CREB5: variants seen among roughly 807,000 people sequenced by gnomAD.
The protein encoded by CREB5 is cyclic AMP-responsive element-binding protein 5.
Under a neutral mutation model 57.1 loss-of-function variants are expected in CREB5, and 19 were observed. The ratio of observed to expected loss-of-function variants is 0.33; its 90% confidence interval spans 0.23 to 0.49. The LOEUF is 0.49. CREB5 is among the 20% of genes least tolerant of loss of function. CREB5 has a pLI of 0.99. For missense variants in CREB5, 579 were observed against 671.6 expected, an observed-to-expected ratio of 0.86 and a Z score of 1.52; for synonymous variants, 238 against 238.3, an observed-to-expected ratio of 1.00 and a Z score of 0.01.
intron 1 of CREB5, among the ~76,000 whole-genome samples, chr7:28,306,542 TTTTG>T (rs1308954795): frequency 0.01 from 524 of 51,682 alleles, 12 homozygotes; most frequent in African/African-American, 0.028. Context: ...ACAGATACAG[TTTTG>T]TTTTTTTTGT....
At chr7:28,667,591 A>T (rs891454049) in intron 5 of CREB5, among the ~76,000 whole-genome samples, 1 of 140,344 alleles carries the variant, frequency 7.1e-6, no homozygotes, top group Non-Finnish European at 1.6e-5. Flanking sequence ...TAAAAAAATA[A>T]AAGAGAGAAA....
chr7:28,541,923 C>T (rs1341389065), intron 4 of CREB5, among the ~76,000 whole-genome samples: 1 of 152,176 alleles, frequency 6.6e-6, no homozygotes, highest in Admixed American at 6.5e-5. Flanking sequence ...TGACCATTCT[C>T]TCTTGTTTCT....
At chr7:28,726,453 C>T (rs1803342800) in intron 7 of CREB5, among the ~76,000 whole-genome samples, 1 of 152,082 alleles carries the variant, frequency 6.6e-6, no homozygotes, top group Non-Finnish European at 1.5e-5. Flanking sequence ...TTGCCATATA[C>T]TAACCATATA....
chr7:28,419,483 AT>A (rs757093063), intron 1 of CREB5, among the ~76,000 whole-genome samples: 47 of 152,148 alleles, frequency 3.1e-4, no homozygotes, highest in Non-Finnish European at 6.2e-4. Context: ...TAATAGTGCA[AT>A]TTTCGACCAG....
At chr7:28,320,837 T>C (rs1455636242) in intron 1 of CREB5, among the ~76,000 whole-genome samples, 1 of 152,174 alleles carries the variant, frequency 6.6e-6, no homozygotes, top group East Asian at 1.9e-4. Context: ...AAAAGACAAA[T>C]GTAAGCAAAG....
intron 1 of CREB5, among the ~76,000 whole-genome samples, chr7:28,400,620 T>G (rs1787441455): frequency 6.6e-6 from 1 of 152,208 alleles, no homozygotes; most frequent in Non-Finnish European, 1.5e-5. Context: ...TTTTCTGATA[T>G]CCACAGTGGG....
At chr7:28,648,681 G>T (rs975294133) in intron 5 of CREB5, among the ~76,000 whole-genome samples, 6 of 152,134 alleles carry the variant, frequency 3.9e-5, no homozygotes, top group Non-Finnish European at 5.9e-5. Context: ...GATTGAAGCT[G>T]CTGTGAGCTA....
chr7:28,499,849 C>CT (rs1792204657), intron 3 of CREB5, among the ~76,000 whole-genome samples: 1 of 152,220 alleles, frequency 6.6e-6, no homozygotes, highest in African/African-American at 2.4e-5. Flanking sequence ...TCCCAAAGTG[C>CT]TGGGATTACA....
chr7:28,385,947 T>A lies in CREB5; in HGVS notation c.-25+86506T>A, dbSNP rs1787088776. Among the ~76,000 whole-genome samples, 3 of 152,222 alleles carry A rather than the reference T, an allele frequency of 2.0e-5. No homozygotes were observed. The South Asian group carries it at 6.2e-4, about 32-fold the overall frequency. ...TGGCCTGCACTTCCATCAGAATGGC[T>A]CCATCTTATCTGATTTATATATGTA... On this transcript the variant is annotated intron_variant, in intron 1 of 9. Transcript: ENST00000396299.
intron 1 of CREB5, among the ~76,000 whole-genome samples, chr7:28,385,726 T>C (rs897584009): frequency 1.3e-5 from 2 of 151,822 alleles, no homozygotes; most frequent in Non-Finnish European, 2.9e-5. Context: ...TAAAATGGTA[T>C]GAGTTTTTTT....
At chr7:28,600,556 T>G (rs1335187444) in intron 5 of CREB5, among the ~76,000 whole-genome samples, 1 of 152,180 alleles carries the variant, frequency 6.6e-6, no homozygotes, top group African/African-American at 2.4e-5. Context: ...GGCTGGCTAA[T>G]GCGCTATTCA....
intron 2 of CREB5, 136 bp downstream of exon 2, chr7:28,488,382 G>C: frequency 1.5e-6 from 1 of 662,230 alleles, no homozygotes; most frequent in African/African-American, 1.8e-5. Context: ...CTCCCCATCA[G>C]TATCGTGATC....
chr7:28,692,186 CA>C (rs60979497), intron 5 of CREB5, among the ~76,000 whole-genome samples: 20 of 145,490 alleles, frequency 1.4e-4, no homozygotes, highest in East Asian at 8.1e-4. Flanking sequence ...ACTCCGTCTC[CA>C]AAAAAAAAAA....
rs1388491335 is a variant in CREB5, at chr7:28,560,881, T to TGCGCGCGCGTGCGC, written c.292-9481_292-9480insCGCGCGTGCGCGCG. On this transcript the variant is annotated intron_variant, in intron 4 of 10. Transcript: ENST00000357727. ...GTGCGTGTGCCTGCGTGCGCGTGCG[T>TGCGCGCGCGTGCGC]GCGTGCGTGTGTGTGCGTGCGCGCG... is the stretch of plus-strand genomic sequence containing the variant. 6.5e-5 allele frequency among the ~76,000 whole-genome samples: 3 copies of TGCGCGCGCGTGCGC among 46,206 alleles called. 1 individual carries two copies. Among genetic ancestry groups the TGCGCGCGCGTGCGC allele is most frequent in the Admixed American group, 4.0e-4 (2 of 5,014 alleles). 30.3% of individuals were successfully genotyped at this position (46,206 alleles called of 152,430 possible). A position where few individuals can be genotyped will look rare whatever the true frequency, so the allele number is the denominator to read the frequency against.
chr7:28,378,349 G>A (rs1274115257), intron 1 of CREB5, among the ~76,000 whole-genome samples: 2 of 151,488 alleles, frequency 1.3e-5, no homozygotes, highest in East Asian at 3.9e-4. Context: ...GTTAAATGAC[G>A]AGTTAATGGG....
chr7:28,360,157 T>C (rs537561139), intron 1 of CREB5, among the ~76,000 whole-genome samples: 1 of 152,308 alleles, frequency 6.6e-6, no homozygotes, highest in East Asian at 1.9e-4. Context: ...TGAAAAACCA[T>C]ATGGAGATTC....
chr7:28,748,936 A>G (rs371679338), intron 7 of CREB5, among the ~76,000 whole-genome samples: 1 of 152,232 alleles, frequency 6.6e-6, no homozygotes, highest in East Asian at 1.9e-4. Context: ...AGGGACAAAG[A>G]AAGCAACCAA....
At chr7:28,318,534 C>A (rs1785421569) in intron 1 of CREB5, among the ~76,000 whole-genome samples, 1 of 152,228 alleles carries the variant, frequency 6.6e-6, no homozygotes, top group Admixed American at 6.5e-5. Context: ...TAACAATACA[C>A]ATATTTCCAA....
chr7:28,756,312 G>A (rs1399887477), intron 7 of CREB5, among the ~76,000 whole-genome samples: 1 of 152,096 alleles, frequency 6.6e-6, no homozygotes, highest in African/African-American at 2.4e-5. Flanking sequence ...CAGCACTTTG[G>A]GAGGCCGAGG....
Sources: allele counts gnomAD v4.1 joint callset (sites outside exome capture counted in the v4.1 genomes callset), GRCh38; gene constraint gnomAD v4.1.1; transcripts MANE v1.5; gene names NCBI Gene and HGNC (gene_info 2026-07-23, HGNC 2026-07-21).